NDUFAF2: variants seen among roughly 807,000 people sequenced by gnomAD.
The protein encoded by NDUFAF2 is NADH:ubiquinone oxidoreductase complex assembly factor 2, also known as NADH dehydrogenase [ubiquinone] 1 alpha subcomplex assembly factor 2.
In NDUFAF2, 13 loss-of-function variants were observed where a neutral mutation model predicts 22.8. The ratio of observed to expected loss-of-function variants is 0.57; its 90% CI spans 0.37 to 0.91. The LOEUF (loss-of-function observed/expected upper bound fraction) is 0.91. Among genes scored for constraint, NDUFAF2 ranks in the 40% least tolerant of loss-of-function variants. NDUFAF2 has a pLI of 0.01. For missense variants in NDUFAF2, 162 were observed against 195.2 expected (o/e 0.83, Z 1.01); for synonymous variants, 53 against 64.2 (o/e 0.83, Z 0.84).
At chr5:61,146,866 AT>A (rs1157443417) in intron 3 of NDUFAF2, among the ~76,000 whole-genome samples, 3 of 151,788 alleles carry the variant, frequency 2.0e-5, no homozygotes, top group African/African-American at 7.3e-5. Flanking sequence ...TGTATTTTCC[AT>A]TGTCTTATAT....
At chr5:60,963,341 G>A (rs558734418) in intron 1 of NDUFAF2, among the ~76,000 whole-genome samples, 2 of 152,306 alleles carry the variant, frequency 1.3e-5, no homozygotes, top group South Asian at 4.1e-4. Flanking sequence ...TGAGTACACA[G>A]TCAGTGAGGA....
At chr5:61,022,940 C>T (rs375021275) in intron 1 of NDUFAF2, among the ~76,000 whole-genome samples, 5 of 152,180 alleles carry the variant, frequency 3.3e-5, no homozygotes, top group East Asian at 1.9e-4. Context: ...CCACCATGCC[C>T]GGCCTGCCTT....
At chr5:61,101,939 C>A (rs1340939860) in intron 3 of NDUFAF2, among the ~76,000 whole-genome samples, 2 of 152,108 alleles carry the variant, frequency 1.3e-5, no homozygotes, top group Non-Finnish European at 2.9e-5. Context: ...TTTTATTTTG[C>A]ATCTGCATCA....
intron 3 of NDUFAF2, among the ~76,000 whole-genome samples, chr5:61,151,921 A>C (rs1013861876): frequency 6.6e-6 from 1 of 152,246 alleles, no homozygotes; most frequent in Non-Finnish European, 1.5e-5. Flanking sequence ...AAATATTAAT[A>C]TCTCTGAAAC....
chr5:61,069,318 C>G (rs1345709401), intron 1 of NDUFAF2, among the ~76,000 whole-genome samples: 1 of 152,088 alleles, frequency 6.6e-6, no homozygotes, highest in Admixed American at 6.6e-5. Flanking sequence ...GTTTCTATGC[C>G]CTGTAACACC....
intron 3 of NDUFAF2, among the ~76,000 whole-genome samples, chr5:61,139,547 T>A (rs185296073): frequency 2.2e-4 from 33 of 152,350 alleles, no homozygotes; most frequent in Admixed American, 2.0e-3. Flanking sequence ...TTGGATATTT[T>A]ACAGACAACT....
intron 1 of NDUFAF2, among the ~76,000 whole-genome samples, chr5:61,067,726 A>T (rs2111724078): frequency 6.6e-6 from 1 of 152,184 alleles, no homozygotes; most frequent in African/African-American, 2.4e-5. Context: ...ATCCCTGAGG[A>T]ATTGCCACAC....
chr5:61,139,097 C>A (rs932418279), intron 3 of NDUFAF2, among the ~76,000 whole-genome samples: 7 of 152,146 alleles, frequency 4.6e-5, no homozygotes, highest in African/African-American at 1.7e-4. Flanking sequence ...TCCCGATAAA[C>A]CCATTGTTAA....
intron 3 of NDUFAF2, among the ~76,000 whole-genome samples, chr5:61,117,483 G>A (rs1172139956): frequency 1.3e-5 from 2 of 152,100 alleles, no homozygotes; most frequent in Non-Finnish European, 2.9e-5. Context: ...AGCCTCCCAA[G>A]TAGCTGGGGC....
chr5:61,008,871 G>A (rs1751407338), intron 1 of NDUFAF2, among the ~76,000 whole-genome samples: 1 of 151,994 alleles, frequency 6.6e-6, no homozygotes, highest in Admixed American at 6.6e-5. Context: ...TGCTTTTGTA[G>A]CATCCAAGGC....
chr5:61,024,772 A>G (rs1409418628), intron 1 of NDUFAF2, among the ~76,000 whole-genome samples: 3 of 152,134 alleles, frequency 2.0e-5, no homozygotes, highest in Non-Finnish European at 4.4e-5. Context: ...CTTTCTGGAT[A>G]ATGTTTAAAT....
chr5:60,985,388 ATC>A (rs749464139), intron 1 of NDUFAF2, among the ~76,000 whole-genome samples: 47 of 151,812 alleles, frequency 3.1e-4, no homozygotes, highest in Non-Finnish European at 5.9e-4. Context: ...TTGTGTCTCT[ATC>A]TCCTTCAGTT....
chr5:61,073,644 A>G (rs559460520), intron 2 of NDUFAF2, among the ~76,000 whole-genome samples: 1 of 152,340 alleles, frequency 6.6e-6, no homozygotes, highest in Admixed American at 6.5e-5. Flanking sequence ...TGCTGTAGAT[A>G]CCATTTGGAG....
chr5:61,120,533 C>A (rs776796198), intron 3 of NDUFAF2, among the ~76,000 whole-genome samples: 1 of 152,084 alleles, frequency 6.6e-6, no homozygotes, highest in African/African-American at 2.4e-5. Context: ...TTATTCTTAG[C>A]ATAATTTTCC....
At chr5:61,046,731 AG>A (rs1751958745) in intron 1 of NDUFAF2, among the ~76,000 whole-genome samples, 1 of 152,158 alleles carries the variant, frequency 6.6e-6, no homozygotes, top group Non-Finnish European at 1.5e-5. Context: ...AAGTAAAGTA[AG>A]TATCCCTTCA....
At chr5:61,073,320 G>A (rs116467415) in intron 2 of NDUFAF2, 106 bp downstream of exon 2, 7 of 868,934 alleles carry the variant, frequency 8.1e-6, no homozygotes, top group South Asian at 4.3e-5. Context: ...TTGCAAAAAA[G>A]TTTTAGTGTC....
At chr5:61,104,278 C>G (rs1189791111) in intron 3 of NDUFAF2, among the ~76,000 whole-genome samples, 1 of 152,000 alleles carries the variant, frequency 6.6e-6, no homozygotes, top group Non-Finnish European at 1.5e-5. Flanking sequence ...ATAGCAAATA[C>G]TTTGAAATAT....
intron 1 of NDUFAF2, among the ~76,000 whole-genome samples, chr5:61,043,582 T>C (rs974125155): frequency 1.3e-5 from 2 of 152,140 alleles, no homozygotes; most frequent in East Asian, 1.9e-4. Context: ...TCTTGTGATA[T>C]TTGTCTTTCT....
intron 3 of NDUFAF2, among the ~76,000 whole-genome samples, chr5:61,125,593 A>G (rs1753027255): frequency 2.0e-5 from 3 of 152,112 alleles, no homozygotes; most frequent in Admixed American, 6.6e-5. Context: ...GTGGTCCCAC[A>G]AATAAATTTA....
Sources: gnomAD v4.1 joint callset for allele counts (sites outside exome capture counted in the v4.1 genomes callset) on GRCh38, gnomAD v4.1.1 for gene constraint, MANE v1.5 for transcripts, NCBI Gene and HGNC (gene_info 2026-07-23, HGNC 2026-07-21) for gene names.